ADCY1: variants seen among roughly 807,000 people sequenced by gnomAD.
The protein encoded by ADCY1 is adenylate cyclase type 1.
In ADCY1, 28 loss-of-function variants were observed where a neutral mutation model predicts 105.4. The observed-to-expected ratio is 0.27, with a 90% confidence interval of 0.20 to 0.36. The LOEUF is 0.36. Ranked by LOEUF, ADCY1 falls within the 10% of genes least tolerant of loss-of-function variation. The probability of loss-of-function intolerance (pLI) is 1.00; values close to 1 mark genes in which losing one functional copy is unlikely to be tolerated. For synonymous variants in ADCY1, 655 were observed against 623.8 expected (o/e 1.05, Z -0.75); for missense variants, 977 against 1,434.2 (o/e 0.68, Z 5.15).
chr7:45,690,889 A>C (rs905654635), intron 14 of ADCY1, among the ~76,000 whole-genome samples: 3 of 152,122 alleles, frequency 2.0e-5, no homozygotes, highest in Non-Finnish European at 2.9e-5. Flanking sequence ...TTGTTGCAAA[A>C]ACCTACTCAG....
intron 4 of ADCY1, among the ~76,000 whole-genome samples, chr7:45,630,341 A>G (rs547660468): frequency 5.3e-5 from 8 of 152,308 alleles, no homozygotes; most frequent in Non-Finnish European, 8.8e-5. Flanking sequence ...CCAAAGTGCT[A>G]TAACTGTGTG....
Position 45,686,785 on chromosome 7 carries a change from G to C in ADCY1, c.2454+112G>C. Reference sequence around the variant, plus strand: ...GACACCCACACGCCGTATGGCCCTCGGAGGGCCCTCCTCAGCAGCATGCAA... The same window carrying C: ...GACACCCACACGCCGTATGGCCCTCCGAGGGCCCTCCTCAGCAGCATGCAA... On this transcript the variant is annotated intron_variant, in intron 14 of 19. Transcript: ENST00000297323. The surrounding 1 kb of genome is among the most constrained non-coding windows in gnomAD (Gnocchi z 4.3). 1.4e-6 allele frequency: 2 copies of C among 1,420,374 alleles called. No homozygotes were observed. Among genetic ancestry groups the C allele is most frequent in the Non-Finnish European group, 1.9e-6 (2 of 1,070,726 alleles). 88.0% of individuals were successfully genotyped at this position (1,420,374 alleles called of 1,614,324 possible).
intron 2 of ADCY1, among the ~76,000 whole-genome samples, chr7:45,607,370 A>G (rs1793404669): frequency 6.6e-6 from 1 of 152,196 alleles, no homozygotes; most frequent in Non-Finnish European, 1.5e-5. Flanking sequence ...TGGTAGGTGG[A>G]GATCTGGCTG....
rs565357511 is a variant in ADCY1, at chr7:45,575,610, C to A, written c.639+428C>A. 1.3e-5 allele frequency among the ~76,000 whole-genome samples: 2 copies of A among 152,362 alleles called. No homozygotes were observed. The highest frequency in any genetic ancestry group is 4.1e-4 in the South Asian group (2 of 4,832). On this transcript the variant is annotated intron_variant, in intron 1 of 19. Transcript: ENST00000297323. This position sits in a 1 kb window ranked among gnomAD's most constrained non-coding sequence, Gnocchi z 4.7. ...GCTCTGCGCGCAGCGCTGGGCTCTT[C>A]CCCTGCGCACCTAGAGCGCGTGCTG...
intron 5 of ADCY1, 115 bp downstream of exon 5, chr7:45,648,912 C>T: frequency 7.8e-7 from 1 of 1,282,392 alleles, no homozygotes; most frequent in Non-Finnish European, 1.1e-6. Flanking sequence ...TCGCTTTGTC[C>T]TGATGGGTCT....
At chr7:45,611,391 G>T (rs915491171) in intron 3 of ADCY1, among the ~76,000 whole-genome samples, 13 of 152,046 alleles carry the variant, frequency 8.6e-5, no homozygotes, top group African/African-American at 3.1e-4. Flanking sequence ...GTTGACTGGA[G>T]AGGGTAAAAA....
intron 2 of ADCY1, among the ~76,000 whole-genome samples, chr7:45,603,402 G>A (rs1366604416): frequency 1.3e-5 from 2 of 152,146 alleles, no homozygotes; most frequent in African/African-American, 4.8e-5. Context: ...CAAAGTGGCT[G>A]CACCATTTTC....
chr7:45,692,051 C>G (rs905236055), intron 14 of ADCY1, among the ~76,000 whole-genome samples: 3 of 152,206 alleles, frequency 2.0e-5, no homozygotes. Flanking sequence ...TGAGTACATC[C>G]TCACAAACAG....
chr7:45,603,868 T>C (rs1325676160), intron 2 of ADCY1, among the ~76,000 whole-genome samples: 1 of 152,260 alleles, frequency 6.6e-6, no homozygotes, highest in Non-Finnish European at 1.5e-5. Context: ...TCATCCATAT[T>C]GTTGAATATA....
intron 4 of ADCY1, among the ~76,000 whole-genome samples, chr7:45,632,251 T>C (rs945399148): frequency 6.6e-6 from 1 of 152,218 alleles, no homozygotes; most frequent in Non-Finnish European, 1.5e-5. Flanking sequence ...AATCAGGTCC[T>C]GTGCTTTATC....
intron 2 of ADCY1, among the ~76,000 whole-genome samples, chr7:45,600,848 A>C (rs1793210500): frequency 6.6e-6 from 1 of 151,964 alleles, no homozygotes; most frequent in Non-Finnish European, 1.5e-5. Flanking sequence ...ATTTCCTCTT[A>C]GGAGGAGAAG....
intron 2 of ADCY1, among the ~76,000 whole-genome samples, chr7:45,593,749 G>C (rs1346188854): frequency 6.6e-6 from 1 of 152,164 alleles, no homozygotes; most frequent in East Asian, 1.9e-4. Flanking sequence ...GTGAATATAA[G>C]GTATTATACC....
chr7:45,665,965 T>A (rs1330829795), intron 8 of ADCY1, among the ~76,000 whole-genome samples: 2 of 152,226 alleles, frequency 1.3e-5, no homozygotes, highest in Admixed American at 1.3e-4. Context: ...ATGGTGTGTC[T>A]GTTTTAATTT....
intron 8 of ADCY1, among the ~76,000 whole-genome samples, chr7:45,666,625 C>T (rs1172264388): frequency 2.6e-5 from 4 of 152,098 alleles, no homozygotes; most frequent in African/African-American, 2.4e-5. Context: ...TGATTTATAC[C>T]CCTTTGGGTA....
intron 11 of ADCY1, among the ~76,000 whole-genome samples, chr7:45,682,765 C>T (rs1412293321): frequency 6.6e-6 from 1 of 152,172 alleles, no homozygotes; most frequent in Non-Finnish European, 1.5e-5. Flanking sequence ...CATAGGTCCC[C>T]AAGCCAAGGT....
At chr7:45,655,816 A>G (rs1176650921) in intron 5 of ADCY1, among the ~76,000 whole-genome samples, 7 of 152,060 alleles carry the variant, frequency 4.6e-5, no homozygotes, top group Admixed American at 6.6e-5. Context: ...TTACTGTTTC[A>G]TGGCTTCGGA....
intron 2 of ADCY1, among the ~76,000 whole-genome samples, chr7:45,597,165 C>A (rs1007158591): frequency 2.5e-4 from 38 of 152,072 alleles, no homozygotes; most frequent in African/African-American, 9.2e-4. Flanking sequence ...AATGCAAACT[C>A]CCAATATTAA....
At chr7:45,627,551 G>A (rs1045999323) in intron 4 of ADCY1, among the ~76,000 whole-genome samples, 15 of 152,232 alleles carry the variant, frequency 9.9e-5, no homozygotes, top group African/African-American at 3.4e-4. Flanking sequence ...TGCCATGCCA[G>A]TGTGTCCTCT....
intron 8 of ADCY1, among the ~76,000 whole-genome samples, chr7:45,674,319 G>A (rs540189991): frequency 1.3e-5 from 2 of 152,152 alleles, no homozygotes; most frequent in Non-Finnish European, 1.5e-5. Flanking sequence ...ATGTCTGATT[G>A]TTCAAGGGAG....
Sources: gnomAD v4.1 joint callset for allele counts (sites outside exome capture counted in the v4.1 genomes callset) on GRCh38, gnomAD v4.1.1 for gene constraint, Gnocchi (gnomAD v3.1) non-coding constraint, MANE v1.5 for transcripts, NCBI Gene and HGNC (gene_info 2026-07-23, HGNC 2026-07-21) for gene names.